BLTP1: variants seen among roughly 807,000 people sequenced by gnomAD.
BLTP1 encodes the protein fragile site-associated protein.
chr4:122,254,233 A>C, the BLTP1 span: 4 of 1,612,492 alleles, frequency 2.5e-6, no homozygotes, highest in East Asian at 8.9e-5. Flanking sequence ...AAAAAGATCT[A>C]CCTCTGATGC....
At chr4:122,361,997 C>T in the BLTP1 span, 1 of 1,582,010 alleles carries the variant, frequency 6.3e-7, no homozygotes, top group Non-Finnish European at 8.6e-7. Flanking sequence ...TAGGGCATTA[C>T]ACTCCTTAAT....
the BLTP1 span, among the ~76,000 whole-genome samples, chr4:122,210,272 A>G: frequency 6.6e-6 from 1 of 152,212 alleles, no homozygotes; most frequent in African/African-American, 2.4e-5. Context: ...GAGCCTGAAT[A>G]TGAAACAAGG....
the BLTP1 span, chr4:122,232,170 A>G: frequency 1.1e-5 from 10 of 947,936 alleles, no homozygotes; most frequent in Non-Finnish European, 1.3e-5. Context: ...TGGGGTTTTT[A>G]TCTTTCTTAC....
chr4:122,307,968 T>C, the BLTP1 span: 1 of 1,613,164 alleles, frequency 6.2e-7, no homozygotes, highest in Non-Finnish European at 8.5e-7. Flanking sequence ...TTTGGCTGAA[T>C]TATAAGGCCG....
chr4:122,273,123 A>G, the BLTP1 span: 1 of 728,210 alleles, frequency 1.4e-6, no homozygotes, highest in South Asian at 6.2e-5. Context: ...GGTTGTGAAA[A>G]TAACCTGACA....
At chr4:122,343,590 C>T in the BLTP1 span, 3 of 1,613,872 alleles carry the variant, frequency 1.9e-6, no homozygotes, top group Admixed American at 1.7e-5. Flanking sequence ...TCTGGCCTCA[C>T]ACCTGGATCA....
the BLTP1 span, among the ~76,000 whole-genome samples, chr4:122,345,616 C>T: frequency 6.6e-6 from 1 of 150,768 alleles, no homozygotes; most frequent in African/African-American, 2.4e-5. Flanking sequence ...ATATCATATG[C>T]CATGATAAAG....
At chr4:122,344,473 C>A in the BLTP1 span, 1 of 1,613,890 alleles carries the variant, frequency 6.2e-7, no homozygotes, top group African/African-American at 1.3e-5. Context: ...TGTCACGGAT[C>A]AGGCGTTCAG....
At chr4:122,356,002 AACAATTTAAAGTTAATAAGAAAATTC>A in the BLTP1 span, 1 of 1,563,904 alleles carries the variant, frequency 6.4e-7, no homozygotes, top group Non-Finnish European at 8.7e-7. Context: ...TATGTAGAAA[AACAATTTAAAGTTAATAAGAAAATTC>A]TAAAGGCACT....
At chr4:122,334,573 T>C in the BLTP1 span, 4 of 1,595,400 alleles carry the variant, frequency 2.5e-6, no homozygotes, top group South Asian at 4.6e-5. Context: ...ACTTTATTTT[T>C]TGTCATTTTA....
At chr4:122,160,388 A>G in the BLTP1 span, among the ~76,000 whole-genome samples, 2 of 152,140 alleles carry the variant, frequency 1.3e-5, no homozygotes, top group Non-Finnish European at 2.9e-5. Flanking sequence ...GATGGGAGCA[A>G]TTTTTAAGCA....
the BLTP1 span, chr4:122,239,668 A>G: frequency 3.8e-5 from 62 of 1,613,880 alleles, no homozygotes; most frequent in South Asian, 5.5e-5. Context: ...GCTGCTTTCT[A>G]TGGGGACAAG....
chr4:122,234,977 G>A, the BLTP1 span: 2 of 1,610,832 alleles, frequency 1.2e-6, no homozygotes, highest in Admixed American at 1.7e-5. Flanking sequence ...CTCTGCTACA[G>A]CCTGGAGAAT....
At chr4:122,251,116 T>TGGCACGTTCCTAACGTGCCCCA in the BLTP1 span, 1 of 984,796 alleles carries the variant, frequency 1.0e-6, no homozygotes, top group Non-Finnish European at 1.2e-6. Flanking sequence ...TGCCACTAAC[T>TGGCACGTTCCTAACGTGCCCCA]GGTGACCTGG....
At chr4:122,201,407 A>G in the BLTP1 span, among the ~76,000 whole-genome samples, 46 of 152,210 alleles carry the variant, frequency 3.0e-4, no homozygotes, top group African/African-American at 9.9e-4. Flanking sequence ...GGAGGGTAGG[A>G]TGGAGATGAT....
At chr4:122,159,305 T>C in the BLTP1 span, among the ~76,000 whole-genome samples, 1 of 151,582 alleles carries the variant, frequency 6.6e-6, no homozygotes, top group Non-Finnish European at 1.5e-5. Flanking sequence ...CTATTAAAAA[T>C]ACAAAAAATT....
At chr4:122,292,541 T>C in the BLTP1 span, 3 of 838,110 alleles carry the variant, frequency 3.6e-6, no homozygotes, top group Non-Finnish European at 4.3e-6. Context: ...ACATTTAGAC[T>C]GTCAGAAGAA....
At chr4:122,273,352 A>G in the BLTP1 span, 18 of 984,454 alleles carry the variant, frequency 1.8e-5, no homozygotes, top group South Asian at 8.5e-4. Context: ...ATGGTGAACC[A>G]CACACACGGT....
At chr4:122,336,550 C>T in the BLTP1 span, 2 of 692,772 alleles carry the variant, frequency 2.9e-6, no homozygotes, top group Non-Finnish European at 3.5e-6. Context: ...GGTGAGGTTA[C>T]ATAACTTTCC....
Sources: allele counts gnomAD v4.1 joint callset (sites outside exome capture counted in the v4.1 genomes callset), GRCh38; gene constraint gnomAD v4.1.1; transcripts MANE v1.5; gene names NCBI Gene and HGNC (gene_info 2026-07-23, HGNC 2026-07-21).